Variants in SIPA1L2 observed in about 807,000 individuals in gnomAD.
SIPA1L2 encodes the protein signal induced proliferation associated 1 like 2, also known as signal-induced proliferation-associated 1-like protein 2.
SIPA1L2 carries 56 observed loss-of-function variants against 163.9 expected under a neutral mutation model. The ratio of observed to expected loss-of-function variants is 0.34; its 90% CI spans 0.28 to 0.43. SIPA1L2 has a LOEUF of 0.43. Among genes scored for constraint, SIPA1L2 ranks in the 20% least tolerant of loss-of-function variants. SIPA1L2 has a pLI of 1.00. For synonymous variants in SIPA1L2, 877 were observed against 865.7 expected (o/e 1.01, Z -0.23); for missense variants, 1,974 against 2,193.5 (o/e 0.90, Z 2.00).
intron 10 of SIPA1L2, among the ~76,000 whole-genome samples, chr1:232,447,394 T>C (rs888635801): frequency 4.7e-4 from 72 of 152,318 alleles, no homozygotes; most frequent in African/African-American, 1.6e-3. Context: ...GGCAATCGTA[T>C]CTCCCAGTCT....
At chr1:232,424,371 G>T (rs1572876359) in intron 18 of SIPA1L2, among the ~76,000 whole-genome samples, 3 of 134,784 alleles carry the variant, frequency 2.2e-5, no homozygotes, top group Non-Finnish European at 4.8e-5. Flanking sequence ...CTTTCACCTG[G>T]AAACAAAATG....
intron 13 of SIPA1L2, 141 bp from the exon 14 acceptor site, chr1:232,441,535 T>G (rs573140): frequency 0.27 from 214,155 of 807,944 alleles, 30,140 homozygotes; most frequent in Non-Finnish European, 0.29. Flanking sequence ...CCAATGGATA[T>G]GTCACAAAAG....
chr1:232,561,288 T>C (rs1345123360), intron 2 of SIPA1L2, among the ~76,000 whole-genome samples: 1 of 152,260 alleles, frequency 6.6e-6, no homozygotes, highest in Non-Finnish European at 1.5e-5. Context: ...AGGTAAAGTT[T>C]CAGGAAGTCA....
At chr1:232,455,629 C>A (rs560791050) in intron 10 of SIPA1L2, among the ~76,000 whole-genome samples, 1 of 143,034 alleles carries the variant, frequency 7.0e-6, no homozygotes, top group Admixed American at 7.1e-5. Flanking sequence ...TGCAGCGAGG[C>A]GGAGCTTGCA....
Position 232,465,493 on chromosome 1 carries a change from T to C in SIPA1L2, c.2244-77A>G, listed in dbSNP as rs12569249. On this transcript the variant is annotated intron_variant, in intron 8 of 22. Coordinates refer to ENST00000674635, the MANE Select transcript of SIPA1L2 (RefSeq NM_020808.5). The surrounding 1 kb of genome is among the most constrained non-coding windows in gnomAD (Gnocchi z 4.1). Reference sequence around the variant, plus strand: ...TGTATCTTTCCGAATTTGACATATATATACACACACACACACATATACATA... The same window carrying C: ...TGTATCTTTCCGAATTTGACATATACATACACACACACACACATATACATA... The C allele has an allele frequency of 2.0e-5, 23 of 1,134,860 alleles. No individual in the cohort carries two copies. The highest frequency in any genetic ancestry group is 3.0e-5 in the South Asian group (2 of 67,120). 70.3% of individuals were successfully genotyped at this position (1,134,860 alleles called of 1,614,324 possible).
chr1:232,480,167 G>GCA (rs1280512112), intron 6 of SIPA1L2, among the ~76,000 whole-genome samples: 5 of 133,490 alleles, frequency 3.7e-5, no homozygotes, highest in African/African-American at 8.8e-5. Context: ...GTGTGTGTGT[G>GCA]TGTGTGTGTG....
rs377035783 is a variant in SIPA1L2, at chr1:232,513,905, G to A, written c.1435C>T (p.His479Tyr). 6 of 1,611,198 alleles carry A rather than the reference G, an allele frequency of 3.7e-6. No individual in the cohort carries two copies. Among genetic ancestry groups the A allele is most frequent in the African/African-American group, 1.3e-5 (1 of 74,766 alleles). ...TAATAATAGGCCCCAAGGTCAATGTGTTCTATGATGTAGCGCTTCACTTTC... is the reference window on the plus strand; with the variant it reads ...TAATAATAGGCCCCAAGGTCAATGTATTCTATGATGTAGCGCTTCACTTTC... ...REKVKRYIIEHIDLGAYYYRK... is the reference protein window; with the variant it reads ...REKVKRYIIEYIDLGAYYYRK... The change falls in exon 3 of 23, where the codon CAC becomes TAC. Residue 479 changes from histidine to tyrosine, a missense_variant. Around this residue, in one of 3 missense-constraint regions of SIPA1L2, gnomAD observed 607 missense variants for 624.0 expected, o/e 0.97. Transcript: ENST00000674635.
At chr1:232,595,704 G>A (rs912599705) in intron 1 of SIPA1L2, among the ~76,000 whole-genome samples, 3 of 152,194 alleles carry the variant, frequency 2.0e-5, no homozygotes, top group South Asian at 2.1e-4. Flanking sequence ...GGTGGACTAT[G>A]TTTAGGTAGA....
chr1:232,458,810 G>T (rs1664068648), intron 10 of SIPA1L2, among the ~76,000 whole-genome samples: 1 of 152,122 alleles, frequency 6.6e-6, no homozygotes, highest in African/African-American at 2.4e-5. Flanking sequence ...AAGGCCTAAA[G>T]GATTTGCCTT....
intron 8 of SIPA1L2, among the ~76,000 whole-genome samples, chr1:232,466,072 CA>C (rs1279719978): frequency 1.3e-5 from 2 of 152,104 alleles, no homozygotes; most frequent in African/African-American, 4.8e-5. Context: ...CAAACTAATA[CA>C]GGGGGTAACA....
intron 10 of SIPA1L2, among the ~76,000 whole-genome samples, chr1:232,447,289 T>C (rs1179628708): frequency 6.6e-6 from 1 of 152,354 alleles, no homozygotes; most frequent in East Asian, 1.9e-4. Flanking sequence ...ATCTTTCTAT[T>C]GGACAGCCCC....
At chr1:232,605,501 C>T (rs1661863828) in intron 1 of SIPA1L2, among the ~76,000 whole-genome samples, 1 of 152,172 alleles carries the variant, frequency 6.6e-6, no homozygotes, top group Non-Finnish European at 1.5e-5. Context: ...TCAACACAAG[C>T]CTGGCCAACA....
chr1:232,441,494 A>G, intron 13 of SIPA1L2, 100 bp from the exon 14 acceptor site: 2 of 1,002,968 alleles, frequency 2.0e-6, no homozygotes, highest in Non-Finnish European at 3.1e-6. Flanking sequence ...AAACATGAAC[A>G]GGCTTGTGGT....
At chr1:232,439,029 T>C (rs1662730719) in intron 15 of SIPA1L2, 79 bp downstream of exon 15, 1 of 1,462,538 alleles carries the variant, frequency 6.8e-7, no homozygotes, top group Admixed American at 2.2e-5. Flanking sequence ...CTGCTTACAG[T>C]TCAGGCTTCT....
At chr1:232,418,755 T>C (rs892535700) in intron 18 of SIPA1L2, among the ~76,000 whole-genome samples, 3 of 152,244 alleles carry the variant, frequency 2.0e-5, no homozygotes, top group African/African-American at 7.2e-5. Context: ...ATTTTTTCTT[T>C]ATTACAAAAT....
intron 1 of SIPA1L2, among the ~76,000 whole-genome samples, chr1:232,602,414 C>A (rs573012645): frequency 6.6e-6 from 1 of 152,292 alleles, no homozygotes; most frequent in East Asian, 1.9e-4. Flanking sequence ...TCACTGCAAC[C>A]TCTGCCTCCC....
At chr1:232,539,628 A>G (rs1657521130) in intron 2 of SIPA1L2, among the ~76,000 whole-genome samples, 1 of 152,178 alleles carries the variant, frequency 6.6e-6, no homozygotes, top group African/African-American at 2.4e-5. Context: ...AGGTTGTACA[A>G]GAAGAGCAAA....
intron 2 of SIPA1L2, among the ~76,000 whole-genome samples, chr1:232,553,809 G>A (rs192129998): frequency 2.0e-5 from 3 of 152,250 alleles, no homozygotes; most frequent in East Asian, 1.9e-4. Context: ...CAAATTCCAA[G>A]AGTACAAACA....
chr1:232,499,802 G>C (rs1234460816), intron 3 of SIPA1L2, among the ~76,000 whole-genome samples: 1 of 128,392 alleles, frequency 7.8e-6, no homozygotes, highest in Non-Finnish European at 1.6e-5. Context: ...AGCTTCAAAG[G>C]ATAGGCTTGA....
Sources: gnomAD v4.1 joint callset for allele counts (sites outside exome capture counted in the v4.1 genomes callset) on GRCh38, gnomAD v4.1.1 for gene constraint, gnomAD v4.1.1 regional missense constraint, Gnocchi (gnomAD v3.1) non-coding constraint, MANE v1.5 for transcripts, NCBI Gene and HGNC (gene_info 2026-07-23, HGNC 2026-07-21) for gene names.